Variants in DCAF6 observed in about 807,000 individuals in gnomAD.
DCAF6 encodes DDB1- and CUL4-associated factor 6.
In DCAF6, 54 loss-of-function variants were observed where a neutral mutation model predicts 125.1. The observed-to-expected ratio is 0.43, with a 90% CI of 0.35 to 0.54. The LOEUF (loss-of-function observed/expected upper bound fraction) is 0.54, where lower values mean the gene tolerates loss of function less well. Among genes scored for constraint, DCAF6 ranks in the 20% least tolerant of loss-of-function variants. The pLI is 0.01. For missense variants in DCAF6, 934 were observed against 1,161.7 expected (o/e 0.80, Z 2.85); for synonymous variants, 371 against 390.4 (o/e 0.95, Z 0.58).
At chr1:168,019,079 C>T (rs1015776264) in intron 11 of DCAF6, among the ~76,000 whole-genome samples, 6 of 151,212 alleles carry the variant, frequency 4.0e-5, no homozygotes, top group African/African-American at 9.7e-5. Flanking sequence ...GATGGAGTCT[C>T]GCTTTGTCGC....
chr1:168,038,526 T>A (rs763770872), intron 13 of DCAF6, 38 bp downstream of exon 13: 2 of 1,390,600 alleles, frequency 1.4e-6, no homozygotes, highest in East Asian at 4.7e-5. Flanking sequence ...CTTAGCCATT[T>A]TGTAGGATTG....
chr1:167,887,196 G>A, the DCAF6 span, among the ~76,000 whole-genome samples: 1 of 152,142 alleles, frequency 6.6e-6, no homozygotes, highest in Non-Finnish European at 1.5e-5. Flanking sequence ...CCATTACTGG[G>A]TATGTACCCA....
At chr1:167,884,111 A>G in the DCAF6 span, among the ~76,000 whole-genome samples, 1 of 152,300 alleles carries the variant, frequency 6.6e-6, no homozygotes, top group East Asian at 1.9e-4. Flanking sequence ...AAACAATCCA[A>G]TTATACTCTT....
intron 2 of DCAF6, among the ~76,000 whole-genome samples, chr1:167,953,816 C>A (rs1178585166): frequency 6.6e-6 from 1 of 152,120 alleles, no homozygotes; most frequent in Non-Finnish European, 1.5e-5. Flanking sequence ...CCAGGCTGGT[C>A]TTGAACTCCT....
At chr1:167,867,997 T>C in the DCAF6 span, among the ~76,000 whole-genome samples, 1,132 of 151,804 alleles carry the variant, frequency 7.5e-3, 14 homozygotes, top group African/African-American at 0.026. Context: ...AAACCCAAGG[T>C]AGAAAAAAAG....
At chr1:167,981,716 C>G (rs1679186492) in intron 4 of DCAF6, among the ~76,000 whole-genome samples, 1 of 152,198 alleles carries the variant, frequency 6.6e-6, no homozygotes, top group Non-Finnish European at 1.5e-5. Flanking sequence ...TGATTTCATT[C>G]ATTTTTGTGG....
chr1:168,073,101 G>A (rs183784270), intron 21 of DCAF6, among the ~76,000 whole-genome samples: 13 of 152,164 alleles, frequency 8.5e-5, no homozygotes, highest in Admixed American at 3.3e-4. Flanking sequence ...GCTTGAACCC[G>A]GGAGGCGGAG....
At chr1:167,936,230 A>C, upstream of DCAF6, 2 of 234,312 alleles carry the variant, frequency 8.5e-6, no homozygotes, top group Non-Finnish European at 1.7e-5. Flanking sequence ...TCGAGCGGAA[A>C]CCTCCTCCTT....
chr1:168,019,926 T>A (rs985648741), intron 11 of DCAF6: 3 of 155,208 alleles, frequency 1.9e-5, no homozygotes, highest in African/African-American at 7.2e-5. Context: ...GTGTTTGATG[T>A]TTATAAGTAG....
At chr1:167,898,392 A>G in the DCAF6 span, among the ~76,000 whole-genome samples, 1 of 152,024 alleles carries the variant, frequency 6.6e-6, no homozygotes, top group Non-Finnish European at 1.5e-5. Flanking sequence ...CGAAGTCAGG[A>G]GTTCAAGACC....
the DCAF6 span, among the ~76,000 whole-genome samples, chr1:167,890,384 T>A: frequency 6.6e-6 from 1 of 152,180 alleles, no homozygotes; most frequent in Non-Finnish European, 1.5e-5. Flanking sequence ...TTTGTTCTCT[T>A]CCCTTACTTT....
the DCAF6 span, among the ~76,000 whole-genome samples, chr1:167,925,405 T>C: frequency 2.0e-5 from 3 of 146,638 alleles, no homozygotes; most frequent in Non-Finnish European, 3.0e-5. Flanking sequence ...CTAATATATA[T>C]GTATGTGTAT....
At chr1:167,911,405 C>T in the DCAF6 span, among the ~76,000 whole-genome samples, 79 of 152,358 alleles carry the variant, frequency 5.2e-4, no homozygotes, top group African/African-American at 1.8e-3. Context: ...TTTGCCCTGG[C>T]ATGCTTATAC....
At chr1:168,059,734 C>T (rs1266831311) in intron 17 of DCAF6, among the ~76,000 whole-genome samples, 2 of 152,054 alleles carry the variant, frequency 1.3e-5, no homozygotes, top group Non-Finnish European at 2.9e-5. Flanking sequence ...CAGTTTTGAC[C>T]TCCTAGGCTC....
chr1:167,906,456 C>T, the DCAF6 span, among the ~76,000 whole-genome samples: 1 of 151,734 alleles, frequency 6.6e-6, no homozygotes, highest in African/African-American at 2.4e-5. Context: ...AAATAAATAA[C>T]TTCAGATAGT....
chr1:168,072,321 A>AAAAAG (rs1190875918), intron 21 of DCAF6, among the ~76,000 whole-genome samples: 159 of 146,320 alleles, frequency 1.1e-3, no homozygotes, highest in African/African-American at 3.3e-3. Flanking sequence ...AAAAAAAAAA[A>AAAAAG]AAAAGAAAAG....
At chr1:167,877,628 G>C in the DCAF6 span, among the ~76,000 whole-genome samples, 4 of 152,140 alleles carry the variant, frequency 2.6e-5, no homozygotes, top group Non-Finnish European at 4.4e-5. Context: ...AGTGAAAACT[G>C]TAGGAAGTGA....
At chr1:167,979,253 C>A (rs1464611835) in intron 4 of DCAF6, among the ~76,000 whole-genome samples, 1 of 151,892 alleles carries the variant, frequency 6.6e-6, no homozygotes, top group African/African-American at 2.4e-5. Flanking sequence ...AAAGAAAGAC[C>A]ATTTTAACAT....
At chr1:168,001,799 G>A (rs1682677952) in intron 7 of DCAF6, among the ~76,000 whole-genome samples, 1 of 152,092 alleles carries the variant, frequency 6.6e-6, no homozygotes, top group Non-Finnish European at 1.5e-5. Flanking sequence ...GAGAAATTAG[G>A]CTTAAATAGA....
Sources: gnomAD v4.1 joint callset for allele counts (sites outside exome capture counted in the v4.1 genomes callset) on GRCh38, gnomAD v4.1.1 for gene constraint, MANE v1.5 for transcripts, NCBI Gene and HGNC (gene_info 2026-07-23, HGNC 2026-07-21) for gene names.